MMP12: variants seen among roughly 807,000 people sequenced by gnomAD.
The protein encoded by MMP12 is macrophage metalloelastase.
MMP12 carries 51 observed loss-of-function variants against 45.2 expected under a neutral mutation model. That is an observed-to-expected ratio of 1.13 (90% CI 0.90 to 1.42). The LOEUF is 1.42. MMP12 is among the 40% of genes most tolerant of loss of function. The pLI, the probability that MMP12 is intolerant of heterozygous loss-of-function variation, is 0.00. For missense variants in MMP12, 530 were observed against 570.8 expected (o/e 0.93, Z 0.73); for synonymous variants, 210 against 193.3 (o/e 1.09, Z -0.72).
At position 102,871,904 on chromosome 11, in the gene MMP12, T is replaced by G; in HGVS notation, c.399A>C (p.Ala133=). ...PDMNREDVDY[A]IRKAFQVWSN... is the part of the protein sequence containing the mutation. ...TCCATACTTGGAAAGCTTTCCGGAT[T>G]GCGTAGTCAACATCCTCACGGTTCA... The change falls in exon 3 of 10, where the codon GCA becomes GCC. Residue 133 remains alanine, a synonymous_variant. Transcript: ENST00000571244. 1 of 1,613,700 alleles carries G rather than the reference T, an allele frequency of 6.2e-7. No individual in the cohort carries two copies. Among genetic ancestry groups the G allele is most frequent in the Non-Finnish European group, 8.5e-7 (1 of 1,179,740 alleles).
chr11:102,863,250 T>TACAACA (rs529882264), intron 9 of MMP12, 50 bp from the exon 10 acceptor site: 1 of 984,596 alleles, frequency 1.0e-6, no homozygotes, highest in East Asian at 2.4e-5. Context: ...TGTATTTCTT[T>TACAACA]ACAACAACAA....
rs1476828496 is a variant in MMP12 at position 102,862,767 on chromosome 11, T to A, written c.*333A>T. 6.1e-6 allele frequency: 1 copy of A among 164,034 alleles called. No homozygotes were observed. The highest frequency in any genetic ancestry group is 1.3e-5 in the Non-Finnish European group (1 of 76,252). 10.2% of individuals were successfully genotyped at this position (164,034 alleles called of 1,614,324 possible). A position where few individuals can be genotyped will look rare whatever the true frequency, so the allele number is the denominator to read the frequency against. On this transcript the variant is annotated 3_prime_UTR_variant, in exon 10 of 10. Coordinates refer to ENST00000571244, the MANE Select transcript of MMP12 (RefSeq NM_002426.6). ...TTTCAATTTTATTTGAGCCAAAATA[T>A]ATATACTTAATTTTAGTTATGCCAG...
intron 6 of MMP12, 121 bp from the exon 7 acceptor site, chr11:102,866,569 T>C: frequency 1.0e-6 from 1 of 980,114 alleles, no homozygotes; most frequent in Non-Finnish European, 1.5e-6. Context: ...CACATTCTGT[T>C]CCATGGATGT....
At position 102,863,110 on chromosome 11, in the gene MMP12, A is replaced by C; in HGVS notation, c.1403T>G (p.Phe468Cys). 1 of 1,607,300 alleles carries C rather than the reference A, an allele frequency of 6.2e-7. No homozygotes were observed. The highest frequency in any genetic ancestry group is 8.5e-7 in the Non-Finnish European group (1 of 1,176,258). ...TTAATTACACCATTTCTAACAACCA[A>C]ACCAGCTATTGCTTTTCAGTGTTTT... ...ITKTLKSNSW[F>C]GC The change falls in exon 10 of 10, where the codon TTT (phenylalanine) becomes TGT (cysteine). Residue 468 changes from phenylalanine (F) to cysteine (C), a missense_variant. By Grantham distance (205) the Phe-to-Cys change is radical (BLOSUM62 -2). Coordinates refer to ENST00000571244, the MANE Select transcript of MMP12 (RefSeq NM_002426.6).
chr11:102,863,036 CA>C lies in MMP12; in HGVS notation c.*63del. On this transcript the variant is annotated 3_prime_UTR_variant, in exon 10 of 10. Transcript: ENST00000571244. ...AAGTAGTGGTACACTGAGGACATAG[CA>C]AATATGCAATAAATACTTATTAAGC... 9.5e-7 allele frequency: 1 copy of C among 1,054,274 alleles called. No homozygotes were observed. The highest frequency in any genetic ancestry group is 1.4e-5 in the South Asian group (1 of 69,046). 65.3% of individuals were successfully genotyped at this position (1,054,274 alleles called of 1,614,324 possible). A position where few individuals can be genotyped will look rare whatever the true frequency, so the allele number is the denominator to read the frequency against.
chr11:102,868,550 T>C (rs138062758), intron 4 of MMP12, among the ~76,000 whole-genome samples: 126 of 152,150 alleles, frequency 8.3e-4, no homozygotes, highest in Middle Eastern at 6.8e-3. Context: ...TAGAAAAAAA[T>C]GTCTTTAGCA....
chr11:102,864,911 G>A (rs1238897074), intron 8 of MMP12, among the ~76,000 whole-genome samples: 12 of 152,118 alleles, frequency 7.9e-5, no homozygotes, highest in Non-Finnish European at 1.3e-4. Flanking sequence ...GAAAAATCCT[G>A]GGCCAAGTAG....
At chr11:102,864,038 T>C (rs1400851715) in intron 9 of MMP12, 108 bp downstream of exon 9, 2 of 832,754 alleles carry the variant, frequency 2.4e-6, no homozygotes, top group African/African-American at 3.4e-5. Flanking sequence ...TATGGGGAAC[T>C]GCAGAAACCT....
chr11:102,873,754 C>T (rs138161396), intron 1 of MMP12, among the ~76,000 whole-genome samples: 280 of 152,136 alleles, frequency 1.8e-3, no homozygotes, highest in African/African-American at 6.4e-3. Flanking sequence ...CCAGGCTGGC[C>T]ACAGTGGTGC....
rs28381679 is a variant in MMP12, at chr11:102,868,785, AAG to A, written c.626-718_626-717del. Among the ~76,000 whole-genome samples, 293 of 152,332 alleles carry A rather than the reference AAG, an allele frequency of 1.9e-3. 2 individuals are homozygous for A. The highest frequency in any genetic ancestry group is 5.9e-3 in the African/African-American group (245 of 41,584). ...CTACACATGATTCTAAATAAAATTA[AAG>A]AGTCTATATGACTCAAGGAAAGAAT... On this transcript the variant is annotated intron_variant, in intron 4 of 9. Coordinates refer to ENST00000571244, the MANE Select transcript of MMP12 (RefSeq NM_002426.6).
rs191825816 is a variant in MMP12, at chr11:102,874,900, G to A, written c.38C>T (p.Ala13Val). The A allele has an allele frequency of 2.4e-5, 39 of 1,604,808 alleles. No individual in the cohort carries two copies. The East Asian group carries it at 8.1e-4, about 33-fold the overall frequency. Residue 13 changes from alanine (A) to valine (V), a missense_variant, in exon 1 of 10, where the codon GCT becomes GTT. Transcript: ENST00000571244. ...GCTGTTCAGGGGAAGAGCTCCAGAA[G>A]CAGTGGCCTGCAGGAGCAGTATTAG... ...FLLILLLQAT[A>V]SGALPLNSST...
chr11:102,864,302 G>T, intron 8 of MMP12, 50 bp from the exon 9 acceptor site: 2 of 1,275,908 alleles, frequency 1.6e-6, no homozygotes, highest in Non-Finnish European at 1.1e-6. Context: ...TGGCTTTCCT[G>T]ACATGCACCA....
chr11:102,873,173 T>C (rs1859533796), intron 1 of MMP12, 61 bp from the exon 2 acceptor site: 1 of 1,468,112 alleles, frequency 6.8e-7, no homozygotes, highest in African/African-American at 1.4e-5. Flanking sequence ...TGTTGGGAGC[T>C]CCACATATAT....
Position 102,864,261 on chromosome 11 carries a change from A to G in MMP12, c.1206-9T>C, listed in dbSNP as rs782058177. On this transcript the variant is annotated splice_polypyrimidine_tract_variant and intron_variant, in intron 8 of 9. Transcript: ENST00000571244. The stretch of plus-strand genomic sequence containing the variant: ...GTCTCCTTTCATCATACCTGAGCAA[A>G]GAAGTAACCAGCAGGAACTCAATCA... 6.3e-7 allele frequency: 1 copy of G among 1,587,470 alleles called. No individual in the cohort carries two copies. The highest frequency in any genetic ancestry group is 2.2e-5 in the East Asian group (1 of 44,740).
At chr11:102,863,263 A>ACAACAT in intron 9 of MMP12, 63 bp from the exon 10 acceptor site, 3 of 937,306 alleles carry the variant, frequency 3.2e-6, no homozygotes, top group South Asian at 1.5e-5. Flanking sequence ...AACAACAACA[A>ACAACAT]CAACACAAAT....
rs782400891 is a variant in MMP12 at position 102,869,989 on chromosome 11, G to A, written c.625+1605C>T. ...AAAATAAGCATTTTAAGTTATAATT[G>A]TCATAAATAACTTCACTTTTTGAAA... On this transcript the variant is annotated intron_variant, in intron 4 of 9. Transcript: ENST00000571244. Among the ~76,000 whole-genome samples, 7 of 152,030 alleles carry A rather than the reference G, an allele frequency of 4.6e-5. No individual in the cohort carries two copies. The South Asian group carries it at 1.0e-3, about 22-fold the overall frequency.
In MMP12 at chr11:102,866,380, G is replaced by T; in HGVS notation, c.980C>A (p.Thr327Asn). 6.2e-7 allele frequency: 1 copy of T among 1,606,334 alleles called. No individual in the cohort carries two copies. Reference sequence around the variant, plus strand: ...AGCAGCTTCAATGCCAGATGGCAAGGTTGGCCATAAGGAAGAAATTAAATT... The same window carrying T: ...AGCAGCTTCAATGCCAGATGGCAAGTTTGGCCATAAGGAAGAAATTAAATT... ...SVNLISSLWP[T>N]LPSGIEAAYE... is the part of the protein sequence containing the mutation. The change falls in exon 7 of 10, where the codon ACC becomes AAC. Residue 327 changes from threonine to asparagine, a missense_variant. Transcript: ENST00000571244.
chr11:102,864,022 C>A, intron 9 of MMP12, 124 bp downstream of exon 9: 1 of 713,086 alleles, frequency 1.4e-6, no homozygotes, highest in East Asian at 2.7e-5. Context: ...TTTTTCCTTG[C>A]GGCCCTATGG....
At position 102,873,076 on chromosome 11, in the gene MMP12, T is replaced by A; in HGVS notation, c.139A>T (p.Lys47Ter). The change falls in exon 2 of 10, where the codon AAA (lysine) becomes TAA (stop). Residue 47 changes from lysine to a stop codon, truncating the protein, a stop_gained. Transcript: ENST00000571244. LOFTEE classifies it high-confidence loss of function. ...LEKFYGLEIN[K>*]LPVTKMKYSG... ...TATTTCATTTTTGTCACTGGAAGTT[T>A]GTTTATCTCAAGGCCATAAAATTTT... 2 of 1,613,290 alleles carry A rather than the reference T, an allele frequency of 1.2e-6. No individual in the cohort carries two copies. The highest frequency in any genetic ancestry group is 8.5e-7 in the Non-Finnish European group (1 of 1,179,482).
Sources: allele counts gnomAD v4.1 joint callset (sites outside exome capture counted in the v4.1 genomes callset), GRCh38; gene constraint gnomAD v4.1.1; transcripts MANE v1.5; gene names NCBI Gene and HGNC (gene_info 2026-07-23, HGNC 2026-07-21).